Variants in IPPK observed in about 807,000 individuals in gnomAD.
The protein encoded by IPPK is inositol-pentakisphosphate 2-kinase, also known as IPK1 homolog.
In IPPK, 22 loss-of-function variants were observed where a neutral mutation model predicts 64.6. The ratio of observed to expected loss-of-function variants is 0.34; its 90% confidence interval spans 0.24 to 0.49. IPPK has a LOEUF of 0.49. IPPK is among the 20% of genes least tolerant of loss of function. IPPK has a pLI of 0.99. For synonymous variants in IPPK, 262 were observed against 247.2 expected (o/e 1.06, Z -0.56); for missense variants, 532 against 630.7 (o/e 0.84, Z 1.68).
At chr9:92,655,200 G>A (rs1001095020) in intron 3 of IPPK, among the ~76,000 whole-genome samples, 5 of 152,186 alleles carry the variant, frequency 3.3e-5, no homozygotes, top group African/African-American at 4.8e-5. Flanking sequence ...GGGAAACTAC[G>A]CTTTGCCTAA....
At chr9:92,616,198 C>A in intron 12 of IPPK, 141 bp from the exon 13 acceptor site, 1 of 632,302 alleles carries the variant, frequency 1.6e-6, no homozygotes, top group Non-Finnish European at 2.7e-6. Flanking sequence ...AAATCAATCT[C>A]TTTTAAAAGA....
intron 1 of IPPK, 59 bp downstream of exon 1, chr9:92,669,849 G>T: frequency 1.6e-6 from 2 of 1,253,914 alleles, no homozygotes; most frequent in Non-Finnish European, 2.3e-6. Flanking sequence ...TAATGGGGGC[G>T]GGGTGATACC....
At chr9:92,647,434 T>C (rs183216471) in intron 6 of IPPK, among the ~76,000 whole-genome samples, 2 of 152,162 alleles carry the variant, frequency 1.3e-5, no homozygotes, top group Admixed American at 1.3e-4. Flanking sequence ...GTTATTACAC[T>C]AGTACCAAAG....
intron 1 of IPPK, among the ~76,000 whole-genome samples, chr9:92,664,597 G>A (rs766783798): frequency 1.7e-4 from 26 of 152,174 alleles, no homozygotes; most frequent in Non-Finnish European, 3.2e-4. Flanking sequence ...GGCACACCTC[G>A]TGCATGGGGC....
intron 6 of IPPK, among the ~76,000 whole-genome samples, chr9:92,646,705 C>T (rs1852156817): frequency 6.6e-6 from 1 of 152,090 alleles, no homozygotes; most frequent in South Asian, 2.1e-4. Flanking sequence ...CACCTGTAAT[C>T]CCAGCACTTT....
At chr9:92,647,240 C>T (rs1485097264) in intron 6 of IPPK, among the ~76,000 whole-genome samples, 5 of 152,162 alleles carry the variant, frequency 3.3e-5, no homozygotes, top group African/African-American at 1.2e-4. Context: ...AGAATCTCAA[C>T]AGATTGGTAA....
At chr9:92,643,366 A>T (rs1852088643) in intron 6 of IPPK, among the ~76,000 whole-genome samples, 1 of 152,230 alleles carries the variant, frequency 6.6e-6, no homozygotes, top group Admixed American at 6.5e-5. Context: ...TGCTAATAGC[A>T]AACCCTGAAA....
intron 7 of IPPK, among the ~76,000 whole-genome samples, chr9:92,642,260 C>T (rs1852065188): frequency 6.6e-6 from 1 of 152,290 alleles, no homozygotes; most frequent in South Asian, 2.1e-4. Flanking sequence ...GCAGGATGCA[C>T]AGCAAAGCTC....
chr9:92,635,298 G>A lies in IPPK; in HGVS notation c.927C>T (p.Thr309=). ...SRSLRCQGKN[T]PERSGLPKGC... is the part of the protein sequence containing the mutation. ...CCTTCGGTAACCCCGAGCGCTCTGG[G>A]GTGTTTTTTCCTACCGAGAACATCA... The change falls in exon 10 of 13, where the codon ACC becomes ACT. Residue 309 remains threonine (T), a synonymous_variant. Transcript: ENST00000287996. The surrounding 1 kb of genome is among the most constrained non-coding windows in gnomAD (Gnocchi z 4.4). 2 of 1,608,828 alleles carry A rather than the reference G, an allele frequency of 1.2e-6. No homozygotes were observed. Among genetic ancestry groups the A allele is most frequent in the South Asian group, 1.1e-5 (1 of 90,822 alleles).
At chr9:92,653,771 C>T (rs930871207) in intron 3 of IPPK, among the ~76,000 whole-genome samples, 7 of 152,332 alleles carry the variant, frequency 4.6e-5, no homozygotes, top group African/African-American at 1.7e-4. Flanking sequence ...ATTGCTTGAA[C>T]CTGGGAGGCA....
intron 1 of IPPK, among the ~76,000 whole-genome samples, chr9:92,662,628 C>A (rs1852509455): frequency 6.6e-6 from 1 of 152,074 alleles, no homozygotes; most frequent in Non-Finnish European, 1.5e-5. Context: ...AACGCTAAAC[C>A]AAGGCCCAAG....
chr9:92,638,378 G>A, intron 8 of IPPK, 98 bp from the exon 9 acceptor site: 1 of 1,402,624 alleles, frequency 7.1e-7, no homozygotes, highest in Admixed American at 2.0e-5. Flanking sequence ...GCGGGTGAAA[G>A]CCAAGGGCCC....
chr9:92,618,584 G>A (rs1564025874), intron 12 of IPPK: 1 of 456,622 alleles, frequency 2.2e-6, no homozygotes, highest in Middle Eastern at 3.3e-4. Flanking sequence ...AACACCACCA[G>A]CTTAATCCAG....
Position 92,640,707 on chromosome 9 carries a change from T to C in IPPK, c.636+3A>G. 6.2e-7 allele frequency: 1 copy of C among 1,601,948 alleles called. No individual in the cohort carries two copies. Among genetic ancestry groups the C allele is most frequent in the Non-Finnish European group, 8.6e-7 (1 of 1,168,882 alleles). On this transcript the variant is annotated splice_donor_region_variant and intron_variant, in intron 8 of 12. Coordinates refer to ENST00000287996, the MANE Select transcript of IPPK (RefSeq NM_022755.6). ...ACCACCATAGAATCAAAGCAGCTCT[T>C]ACCTTAAATATCTTCAAGTTGTTCT...
intron 11 of IPPK, among the ~76,000 whole-genome samples, chr9:92,623,079 A>G (rs1418132925): frequency 6.6e-5 from 10 of 152,230 alleles, no homozygotes; most frequent in Admixed American, 6.5e-4. Flanking sequence ...TTAAAAGGGA[A>G]AAAGACTGGT....
chr9:92,615,778 T>TATCA lies in IPPK; in HGVS notation c.*50_*53dup, dbSNP rs1354767393. On this transcript the variant is annotated 3_prime_UTR_variant, in exon 13 of 13. Coordinates refer to ENST00000287996, the MANE Select transcript of IPPK (RefSeq NM_022755.6). Reference sequence around the variant, plus strand: ...CACCCAACACAACAGAAAATATCTCTATCATTCAGCCTTCACATTATGTTC... The same window carrying TATCA: ...CACCCAACACAACAGAAAATATCTCTATCAATCATTCAGCCTTCACATTATGTTC... 59 of 1,398,924 alleles carry TATCA rather than the reference T, an allele frequency of 4.2e-5. No homozygotes were observed. The African/African-American group carries it at 6.1e-4, about 14-fold the overall frequency. 86.7% of individuals were successfully genotyped at this position (1,398,924 alleles called of 1,614,324 possible).
rs767088903 is a variant in IPPK at position 92,613,391 on chromosome 9, A to C, written c.*2441T>G. Reference sequence around the variant, plus strand: ...TTTATAAAAATAAGCTTAACATCTGAGAAAATGTACCAAGTGGTTGTGTGT... The same window carrying C: ...TTTATAAAAATAAGCTTAACATCTGCGAAAATGTACCAAGTGGTTGTGTGT... On this transcript the variant is annotated 3_prime_UTR_variant, in exon 13 of 13. Transcript: ENST00000287996. The C allele has an allele frequency of 6.9e-4, 300 of 434,900 alleles. 2 individuals carry two copies. The highest frequency in any genetic ancestry group is 1.2e-3 in the Non-Finnish European group (277 of 236,844). The allele number at this position is 434,900 out of a possible 1,614,324, so 26.9% of individuals were successfully genotyped here.
At chr9:92,643,311 C>T (rs1852087149) in intron 6 of IPPK, among the ~76,000 whole-genome samples, 1 of 152,172 alleles carries the variant, frequency 6.6e-6, no homozygotes, top group South Asian at 2.1e-4. Flanking sequence ...AGAAGTAGCA[C>T]AGGGCAAAAA....
intron 1 of IPPK, among the ~76,000 whole-genome samples, chr9:92,659,171 TA>T (rs1189135016): frequency 1.3e-5 from 2 of 152,196 alleles, no homozygotes; most frequent in Non-Finnish European, 2.9e-5. Flanking sequence ...CGTATGGGTG[TA>T]ATTCTATTTA....
Sources: allele counts gnomAD v4.1 joint callset (sites outside exome capture counted in the v4.1 genomes callset), GRCh38; gene constraint gnomAD v4.1.1; non-coding constraint Gnocchi (gnomAD v3.1); transcripts MANE v1.5; gene names NCBI Gene and HGNC (gene_info 2026-07-23, HGNC 2026-07-21).